SNX4: variants seen among roughly 807,000 people sequenced by gnomAD.
SNX4 encodes the protein sorting nexin 4.
A neutral mutation model predicts 70.8 loss-of-function variants in SNX4; 49 were observed. That is an observed-to-expected ratio of 0.69 (90% CI 0.55 to 0.88). The LOEUF (loss-of-function observed/expected upper bound fraction) is 0.88. SNX4 is among the 40% of genes least tolerant of loss of function. The pLI, the probability that SNX4 is intolerant of heterozygous loss-of-function variation, is 0.00. For synonymous variants in SNX4, 206 were observed against 183.8 expected, an observed-to-expected ratio of 1.12 and a Z score of -0.98; for missense variants, 528 against 544.8, an observed-to-expected ratio of 0.97 and a Z score of 0.31.
At chr3:125,497,769 T>A in intron 4 of SNX4, 65 bp downstream of exon 4, 1 of 1,126,136 alleles carries the variant, frequency 8.9e-7, no homozygotes, top group Non-Finnish European at 1.3e-6. Context: ...ATAAGTATTC[T>A]ACAATTTTTT....
At position 125,460,813 on chromosome 3, in the gene SNX4, G is replaced by T; in HGVS notation, c.902C>A (p.Ala301Glu). The T allele has an allele frequency of 6.4e-7, 1 of 1,565,682 alleles. No homozygotes were observed. Among genetic ancestry groups the T allele is most frequent in the Non-Finnish European group, 8.7e-7 (1 of 1,155,866 alleles). The stretch of plus-strand genomic sequence containing the variant: ...AAAAAGATACTCTTTTAACTGATCT[G>T]CATAATGTTCTTCATCTTCCAAAAT... ...DDILEDEEHY[A>E]DQLKEYLFYA... Residue 301 changes from alanine (A) to glutamate (E), a missense_variant, in exon 10 of 14, where the codon GCA (alanine) becomes GAA (glutamate). Coordinates refer to ENST00000251775, the MANE Select transcript of SNX4 (RefSeq NM_003794.4).
At chr3:125,476,789 GGTC>G (rs1365411887) in intron 7 of SNX4, 33 bp from the exon 8 acceptor site, 2 of 1,354,162 alleles carry the variant, frequency 1.5e-6, no homozygotes, top group Non-Finnish European at 1.0e-6. Flanking sequence ...ATTGCTTTTA[GGTC>G]AAAGTTATAT....
intron 13 of SNX4, among the ~76,000 whole-genome samples, chr3:125,450,500 A>T (rs1238409172): frequency 2.0e-5 from 3 of 152,238 alleles, no homozygotes; most frequent in Non-Finnish European, 4.4e-5. Context: ...AATTCATCTT[A>T]CCATGTAATT....
intron 8 of SNX4, among the ~76,000 whole-genome samples, chr3:125,470,788 G>T (rs1375301833): frequency 6.6e-6 from 1 of 152,182 alleles, no homozygotes; most frequent in Non-Finnish European, 1.5e-5. Flanking sequence ...AAACAGGTCT[G>T]TGCAAATAGG....
chr3:125,455,228 C>G (rs757237984), intron 11 of SNX4, among the ~76,000 whole-genome samples: 8 of 152,204 alleles, frequency 5.3e-5, no homozygotes, highest in East Asian at 1.9e-4. Flanking sequence ...AGCTACCATA[C>G]CCGGCTTGAA....
intron 9 of SNX4, among the ~76,000 whole-genome samples, chr3:125,467,012 G>C (rs1444507120): frequency 1.3e-5 from 2 of 151,132 alleles, no homozygotes; most frequent in African/African-American, 2.4e-5. Flanking sequence ...GACCCCGGGA[G>C]GTAGAGGTTG....
chr3:125,495,250 T>TTATATATA (rs759787193), intron 5 of SNX4, among the ~76,000 whole-genome samples: 479 of 38,128 alleles, frequency 0.013, 51 homozygotes, highest in Non-Finnish European at 0.021. Context: ...CATTCTCTCT[T>TTATATATA]TATATATATA....
chr3:125,489,913 G>A (rs113772804), intron 5 of SNX4, among the ~76,000 whole-genome samples: 6,164 of 152,200 alleles, frequency 0.04, 234 homozygotes, highest in African/African-American at 0.1. Flanking sequence ...ATCACTTGAG[G>A]TCAGGAGTTT....
At chr3:125,476,593 A>T in intron 8 of SNX4, 102 bp downstream of exon 8, 1 of 757,744 alleles carries the variant, frequency 1.3e-6, no homozygotes, top group South Asian at 1.6e-5. Context: ...AAACAAAAAA[A>T]GAAATAATCT....
At chr3:125,458,836 AAAAAAAAAAG>A in intron 10 of SNX4, among the ~76,000 whole-genome samples, 3 of 113,414 alleles carry the variant, frequency 2.6e-5, no homozygotes, top group Non-Finnish European at 5.4e-5. Context: ...AAAAAAAAAA[AAAAAAAAAAG>A]AAAAGAAAAG....
chr3:125,452,172 C>A (rs1234613960), intron 12 of SNX4, among the ~76,000 whole-genome samples: 1 of 151,592 alleles, frequency 6.6e-6, no homozygotes, highest in Non-Finnish European at 1.5e-5. Flanking sequence ...GAGGCGTGAT[C>A]TTGGCTCACC....
At chr3:125,505,384 C>CA (rs1209751281) in intron 1 of SNX4, among the ~76,000 whole-genome samples, 1 of 152,208 alleles carries the variant, frequency 6.6e-6, no homozygotes, top group Non-Finnish European at 1.5e-5. Context: ...ACCTAGACGA[C>CA]AACTGCACTG....
intron 11 of SNX4, among the ~76,000 whole-genome samples, chr3:125,454,310 C>A (rs1230546142): frequency 6.6e-6 from 1 of 152,330 alleles, no homozygotes; most frequent in South Asian, 2.1e-4. Context: ...TGCCTCCTGT[C>A]AGATCAGCAG....
rs148283092 is a variant in SNX4, at chr3:125,509,238, G to A, written c.142-4494C>T. Reference sequence around the variant, plus strand: ...CCAGCTACTCAGGAGGCTGAAGCAGGACAATCGCTTGAACCTGGGAGGTGG... The same window carrying A: ...CCAGCTACTCAGGAGGCTGAAGCAGAACAATCGCTTGAACCTGGGAGGTGG... On this transcript the variant is annotated intron_variant, in intron 1 of 13. Transcript: ENST00000251775. Among the ~76,000 whole-genome samples the A allele has an allele frequency of 5.7e-3, 862 of 150,636 alleles. 8 individuals are homozygous for A. The highest frequency in any genetic ancestry group is 0.027 in the Middle Eastern group (8 of 294).
intron 10 of SNX4, 23 bp downstream of exon 10, chr3:125,460,748 C>G (rs746587423): frequency 3.2e-6 from 4 of 1,243,006 alleles, no homozygotes; most frequent in Middle Eastern, 1.9e-4. Flanking sequence ...TGTGGCTGCA[C>G]CTGGAACTTT....
At chr3:125,492,532 T>TG (rs1934685482) in intron 5 of SNX4, among the ~76,000 whole-genome samples, 1 of 152,156 alleles carries the variant, frequency 6.6e-6, no homozygotes, top group African/African-American at 2.4e-5. Flanking sequence ...CCCATTTGGA[T>TG]AATAAACTTT....
chr3:125,488,171 T>TC (rs1934573449), intron 6 of SNX4, among the ~76,000 whole-genome samples: 1 of 92,050 alleles, frequency 1.1e-5, no homozygotes, highest in African/African-American at 4.8e-5. Flanking sequence ...AAATAGTCTA[T>TC]TAAAAAAAAA....
chr3:125,457,876 C>A (rs948402568), intron 10 of SNX4, among the ~76,000 whole-genome samples: 2 of 151,856 alleles, frequency 1.3e-5, no homozygotes, highest in African/African-American at 4.8e-5. Flanking sequence ...CTGTACCCGG[C>A]CAAAAACGTC....
At position 125,474,314 on chromosome 3, in the gene SNX4, ATTTTTG is replaced by A. The variant is rs529166059; in HGVS notation, c.788+2375_788+2380del. Among the ~76,000 whole-genome samples, 382 of 151,158 alleles carry A rather than the reference ATTTTTG, an allele frequency of 2.5e-3. 1 individual carries two copies. The highest frequency in any genetic ancestry group is 8.4e-3 in the African/African-American group (344 of 40,774). On this transcript the variant is annotated intron_variant, in intron 8 of 13. Coordinates refer to ENST00000251775, the MANE Select transcript of SNX4 (RefSeq NM_003794.4). ...CGTAAGATGTTTTTATTTATTATCT[ATTTTTG>A]TTTTTATTTTTTTGAGAGACAGGGT...
Sources: gnomAD v4.1 joint callset for allele counts (sites outside exome capture counted in the v4.1 genomes callset) on GRCh38, gnomAD v4.1.1 for gene constraint, MANE v1.5 for transcripts, NCBI Gene and HGNC (gene_info 2026-07-23, HGNC 2026-07-21) for gene names.